The following EPB41L2 variants were observed in gnomAD, a reference collection of about 807,000 sequenced individuals.
EPB41L2 encodes erythrocyte membrane protein band 4.1 like 2, also known as band 4.1-like protein 2.
A neutral mutation model predicts 113.0 loss-of-function variants in EPB41L2; 43 were observed. That is an observed-to-expected ratio of 0.38 (90% CI 0.30 to 0.49). The LOEUF is 0.49. Ranked by LOEUF, EPB41L2 falls within the 20% of genes least tolerant of loss-of-function variation. The pLI is 0.95. For synonymous variants in EPB41L2, 442 were observed against 436.7 expected (o/e 1.01, Z -0.15); for missense variants, 1,147 against 1,223.4 (o/e 0.94, Z 0.93).
intron 1 of EPB41L2, among the ~76,000 whole-genome samples, chr6:131,037,897 C>T (rs1173150675): frequency 6.6e-6 from 1 of 151,956 alleles, no homozygotes; most frequent in Non-Finnish European, 1.5e-5. Flanking sequence ...CCCTAAAAAC[C>T]TAAAACATTT....
chr6:130,971,910 TC>T (rs1776889398), intron 1 of EPB41L2, among the ~76,000 whole-genome samples: 1 of 152,190 alleles, frequency 6.6e-6, no homozygotes, highest in African/African-American at 2.4e-5. Context: ...TACAAGAATG[TC>T]TATTCATTCA....
At chr6:131,034,441 C>A (rs1222194343) in intron 1 of EPB41L2, among the ~76,000 whole-genome samples, 2 of 152,128 alleles carry the variant, frequency 1.3e-5, no homozygotes, top group Non-Finnish European at 2.9e-5. Context: ...AACCTCGTAT[C>A]TACAAAAAGT....
chr6:130,949,615 G>C (rs1257070702), intron 3 of EPB41L2, among the ~76,000 whole-genome samples: 1 of 151,486 alleles, frequency 6.6e-6, no homozygotes, highest in Non-Finnish European at 1.5e-5. Flanking sequence ...AGGAGGGGAG[G>C]GGAGGAGAGT....
chr6:131,060,098 A>T (rs1298644121), intron 1 of EPB41L2, among the ~76,000 whole-genome samples: 2 of 152,214 alleles, frequency 1.3e-5, no homozygotes, highest in Non-Finnish European at 2.9e-5. Context: ...TTCAGTTCAA[A>T]AAAGAAAGAA....
chr6:130,926,890 T>C (rs1330756725), intron 3 of EPB41L2, among the ~76,000 whole-genome samples, 181 bp from the exon 4 acceptor site: 1 of 152,182 alleles, frequency 6.6e-6, no homozygotes, highest in Non-Finnish European at 1.5e-5. Context: ...CCTGCACACA[T>C]ATACAAAGCA....
intron 1 of EPB41L2, among the ~76,000 whole-genome samples, chr6:130,974,717 CTTTTTT>C (rs71030723): frequency 6.2e-5 from 4 of 64,656 alleles, no homozygotes; most frequent in East Asian, 5.0e-4. Flanking sequence ...CTTTTCTTTT[CTTTTTT>C]TTTTTTTTTT....
At chr6:130,965,605 T>C (rs1774892629) in intron 1 of EPB41L2, among the ~76,000 whole-genome samples, 1 of 145,920 alleles carries the variant, frequency 6.9e-6, no homozygotes, top group South Asian at 2.1e-4. Context: ...AAATCATCGG[T>C]CCAATGGTGG....
At chr6:130,969,334 G>T (rs9372985) in intron 1 of EPB41L2, among the ~76,000 whole-genome samples, 70,620 of 152,006 alleles carry the variant, frequency 0.46, 18,098 homozygotes, top group East Asian at 0.92. Flanking sequence ...AAAAGGAATC[G>T]CAGAGGTCAT....
chr6:130,888,646 C>G (rs987614166), intron 11 of EPB41L2, among the ~76,000 whole-genome samples: 1 of 152,148 alleles, frequency 6.6e-6, no homozygotes, highest in African/African-American at 2.4e-5. Flanking sequence ...ACAGTGACTG[C>G]ATTTATTCGG....
At chr6:131,041,674 A>G (rs1414735319) in intron 1 of EPB41L2, among the ~76,000 whole-genome samples, 1 of 152,200 alleles carries the variant, frequency 6.6e-6, no homozygotes, top group Non-Finnish European at 1.5e-5. Flanking sequence ...AATGTGGGAA[A>G]CTCTATAGAG....
At chr6:130,969,162 T>C (rs904988693) in intron 1 of EPB41L2, among the ~76,000 whole-genome samples, 4 of 152,146 alleles carry the variant, frequency 2.6e-5, no homozygotes, top group Non-Finnish European at 5.9e-5. Flanking sequence ...TTATCATTTA[T>C]TCAGCACCCA....
chr6:131,024,818 T>C lies in EPB41L2; in HGVS notation c.-15+38337A>G, dbSNP rs183617493. Among the ~76,000 whole-genome samples the C allele has an allele frequency of 7.5e-4, 115 of 152,358 alleles. 1 individual carries two copies. Among genetic ancestry groups the C allele is most frequent in the Non-Finnish European group, 6.9e-4 (47 of 68,034 alleles). ...CTGAGAATAAAAAAAGGTTAGCTTC[T>C]AGAATTTTTGGTTCCTACCCTCTCC... On this transcript the variant is annotated intron_variant, in intron 1 of 19. Transcript: ENST00000337057.
intron 11 of EPB41L2, among the ~76,000 whole-genome samples, chr6:130,888,727 G>C (rs1791850641): frequency 6.6e-6 from 1 of 152,136 alleles, no homozygotes; most frequent in African/African-American, 2.4e-5. Flanking sequence ...ACATTTTTCA[G>C]ATTTACTTGG....
At chr6:131,026,799 G>T (rs1455576648) in intron 1 of EPB41L2, among the ~76,000 whole-genome samples, 2 of 152,140 alleles carry the variant, frequency 1.3e-5, no homozygotes, top group Non-Finnish European at 2.9e-5. Flanking sequence ...CCTCTAGTCT[G>T]TATGGAAAGC....
chr6:130,924,472 G>A (rs910634368), intron 4 of EPB41L2, among the ~76,000 whole-genome samples: 5 of 151,558 alleles, frequency 3.3e-5, no homozygotes, highest in Non-Finnish European at 4.4e-5. Context: ...TCTACCTCCC[G>A]GGTTCAAACG....
At chr6:130,958,393 A>G (rs1388757826) in intron 1 of EPB41L2, among the ~76,000 whole-genome samples, 1 of 149,834 alleles carries the variant, frequency 6.7e-6, no homozygotes, top group Non-Finnish European at 1.5e-5. Flanking sequence ...CAGAGGTTGC[A>G]GTGAGCCGAG....
chr6:130,848,199 T>TCACACA (rs66469665), intron 19 of EPB41L2, among the ~76,000 whole-genome samples: 1,978 of 113,476 alleles, frequency 0.017, 24 homozygotes, highest in Non-Finnish European at 0.023. Context: ...TCTCTCTCTC[T>TCACACA]CACACACACA....
chr6:130,929,083 T>C (rs3822863), intron 3 of EPB41L2, among the ~76,000 whole-genome samples: 64,769 of 152,050 alleles, frequency 0.43, 16,259 homozygotes, highest in Non-Finnish European at 0.54. Context: ...CACATACACA[T>C]TACTTAAGCT....
In EPB41L2 at chr6:131,019,912, G is replaced by C. The variant is rs1379744428; in HGVS notation, c.-15+43243C>G. On this transcript the variant is annotated intron_variant, in intron 1 of 19. Transcript: ENST00000337057. ...ATATATTTCTATTTTCTGGAACAGT[G>C]TGGGAGTTTCTCCTCCATGGCAGTA... Among the ~76,000 whole-genome samples the C allele has an allele frequency of 2.0e-5, 3 of 152,188 alleles. No individual in the cohort carries two copies. In the South Asian group the frequency reaches 6.2e-4, roughly 32 times the overall value.
Sources: gnomAD v4.1 joint callset for allele counts (sites outside exome capture counted in the v4.1 genomes callset) on GRCh38, gnomAD v4.1.1 for gene constraint, MANE v1.5 for transcripts, NCBI Gene and HGNC (gene_info 2026-07-23, HGNC 2026-07-21) for gene names.